AKT3: variants seen among roughly 807,000 people sequenced by gnomAD.
AKT3 encodes the protein RAC-gamma serine/threonine-protein kinase.
A neutral mutation model predicts 65.3 loss-of-function variants in AKT3; 15 were observed. The observed-to-expected ratio is 0.23, with a 90% CI of 0.15 to 0.35. AKT3 has a LOEUF of 0.35. Among genes scored for constraint, AKT3 ranks in the 10% least tolerant of loss-of-function variants. The pLI is 1.00. For missense variants in AKT3, 243 were observed against 576.5 expected, an observed-to-expected ratio of 0.42 and a Z score of 5.92; for synonymous variants, 206 against 183.8, an observed-to-expected ratio of 1.12 and a Z score of -0.98.
At chr1:243,692,643 C>A (rs1378017084) in intron 3 of AKT3, among the ~76,000 whole-genome samples, 1 of 151,886 alleles carries the variant, frequency 6.6e-6, no homozygotes, top group Non-Finnish European at 1.5e-5. Context: ...GAGGCTGAGG[C>A]AGGAGAATCA....
intron 2 of AKT3, among the ~76,000 whole-genome samples, chr1:243,755,235 AT>A (rs71983026): frequency 0.09 from 12,285 of 136,706 alleles, 1,703 homozygotes; most frequent in African/African-American, 0.3. Flanking sequence ...CGCCTGGTTA[AT>A]TTTTTTTTTT....
chr1:243,533,606 T>C (rs529022368), intron 12 of AKT3, among the ~76,000 whole-genome samples: 22 of 152,332 alleles, frequency 1.4e-4, no homozygotes, highest in African/African-American at 3.8e-4. Context: ...GGGAAAAATG[T>C]TGCCTTATAC....
At chr1:243,686,061 C>A (rs1282724955) in intron 3 of AKT3, among the ~76,000 whole-genome samples, 1 of 152,074 alleles carries the variant, frequency 6.6e-6, no homozygotes, top group African/African-American at 2.4e-5. Context: ...ATGTGAAGGA[C>A]CTCTTCACGG....
intron 6 of AKT3, among the ~76,000 whole-genome samples, chr1:243,629,705 T>C (rs1432403909): frequency 1.3e-5 from 2 of 152,104 alleles, no homozygotes; most frequent in African/African-American, 4.8e-5. Context: ...GGCAGGAGAA[T>C]GGCGTGAACC....
chr1:243,681,189 G>T (rs1348203559), intron 3 of AKT3, among the ~76,000 whole-genome samples: 2 of 152,068 alleles, frequency 1.3e-5, no homozygotes, highest in African/African-American at 4.8e-5. Context: ...GTCCTCCAAA[G>T]ATGTTAGTAA....
intron 2 of AKT3, among the ~76,000 whole-genome samples, chr1:243,756,193 G>A (rs1689126782): frequency 6.6e-6 from 1 of 152,178 alleles, no homozygotes; most frequent in Admixed American, 6.5e-5. Context: ...AAGTGAGTAT[G>A]TCATACAATT....
chr1:243,624,082 C>T (rs757647542), intron 6 of AKT3, among the ~76,000 whole-genome samples: 2 of 152,120 alleles, frequency 1.3e-5, no homozygotes, highest in Non-Finnish European at 2.9e-5. Context: ...GTCTTAGGGA[C>T]AGCTGACACA....
chr1:243,849,264 TG>T (rs1381389106), intron 1 of AKT3, among the ~76,000 whole-genome samples: 1 of 152,118 alleles, frequency 6.6e-6, no homozygotes, highest in African/African-American at 2.4e-5. Context: ...ACAGCATCAC[TG>T]GATCAGCCAA....
chr1:243,606,864 G>A (rs1572018720), intron 8 of AKT3, among the ~76,000 whole-genome samples: 1 of 152,238 alleles, frequency 6.6e-6, no homozygotes, highest in Non-Finnish European at 1.5e-5. Context: ...GGGACATGGT[G>A]CCCTGCATCC....
At position 243,842,070 on chromosome 1, in the gene AKT3, C is replaced by T. The variant is rs149309369; in HGVS notation, c.46+1055G>A. 3.9e-5 allele frequency among the ~76,000 whole-genome samples: 6 copies of T among 152,184 alleles called. No homozygotes were observed. In the East Asian group the frequency reaches 1.2e-3, roughly 29 times the overall value. On this transcript the variant is annotated intron_variant, in intron 2 of 13. Coordinates refer to ENST00000673466, the MANE Select transcript of AKT3 (RefSeq NM_005465.7). Reference sequence around the variant, plus strand: ...GGGTTAATGAAAATAACCACTATATCGTTTTCAGAGTGTTTGTTACACTAC... The same window carrying T: ...GGGTTAATGAAAATAACCACTATATTGTTTTCAGAGTGTTTGTTACACTAC...
At chr1:243,547,755 C>T (rs1018174793) in intron 11 of AKT3, among the ~76,000 whole-genome samples, 2 of 152,108 alleles carry the variant, frequency 1.3e-5, no homozygotes, top group African/African-American at 4.8e-5. Context: ...GACCTAGTAT[C>T]CTTTGACACA....
chr1:243,777,248 T>C (rs1247917797), intron 2 of AKT3, among the ~76,000 whole-genome samples: 3 of 152,200 alleles, frequency 2.0e-5, no homozygotes, highest in African/African-American at 4.8e-5. Flanking sequence ...CCTAGATCTG[T>C]CACGTGCACA....
At chr1:243,667,143 T>C (rs931421655) in intron 3 of AKT3, among the ~76,000 whole-genome samples, 7 of 152,226 alleles carry the variant, frequency 4.6e-5, no homozygotes, top group Non-Finnish European at 8.8e-5. Flanking sequence ...ATCGTTACCA[T>C]GAACTACTGT....
rs146593747 is a variant in AKT3, at chr1:243,793,850, C to T, written c.46+49275G>A. 5.3e-4 allele frequency among the ~76,000 whole-genome samples: 81 copies of T among 151,614 alleles called. 1 individual carries two copies. In the East Asian group the frequency reaches 0.012, roughly 22 times the overall value. On this transcript the variant is annotated intron_variant, in intron 2 of 13. Coordinates refer to ENST00000673466, the MANE Select transcript of AKT3 (RefSeq NM_005465.7). The stretch of plus-strand genomic sequence containing the variant: ...AGGGTCTAGGAGCTCGACTGAGTAG[C>T]TCATCTACTTTAACATCCATTAATC...
intron 1 of AKT3, among the ~76,000 whole-genome samples, chr1:243,845,683 C>T (rs1395714368): frequency 6.7e-6 from 1 of 150,060 alleles, no homozygotes; most frequent in African/African-American, 2.4e-5. Context: ...TAAAATCTGT[C>T]TTGGGAGCCT....
At chr1:243,661,710 C>T (rs1395943513) in intron 4 of AKT3, among the ~76,000 whole-genome samples, 97 of 150,332 alleles carry the variant, frequency 6.5e-4, no homozygotes, top group Non-Finnish European at 4.6e-4. Context: ...CAAATGGGAT[C>T]TAATTAAACT....
In AKT3 at chr1:243,704,505, C is replaced by T. The variant is rs116470747; in HGVS notation, c.47-8789G>A. On this transcript the variant is annotated intron_variant, in intron 2 of 13. Coordinates refer to ENST00000673466, the MANE Select transcript of AKT3 (RefSeq NM_005465.7). ...ATTCTTAGTGATCCAGAATGTCATA[C>T]TGGGGATGGCAATAGCCCCTATTCT... Among the ~76,000 whole-genome samples the T allele has an allele frequency of 5.1e-3, 780 of 152,278 alleles. 9 individuals are homozygous for T. Among genetic ancestry groups the T allele is most frequent in the African/African-American group, 0.018 (739 of 41,544 alleles).
At chr1:243,681,497 T>C (rs1021422573) in intron 3 of AKT3, among the ~76,000 whole-genome samples, 2 of 152,072 alleles carry the variant, frequency 1.3e-5, no homozygotes, top group Admixed American at 6.6e-5. Context: ...TAAAACTCTA[T>C]CAAATTTATC....
chr1:243,729,188 A>G (rs1687394812), intron 2 of AKT3, among the ~76,000 whole-genome samples: 1 of 152,148 alleles, frequency 6.6e-6, no homozygotes, highest in Non-Finnish European at 1.5e-5. Flanking sequence ...AAACCATGCA[A>G]TAAAATTTTA....
Sources: allele counts gnomAD v4.1 joint callset (sites outside exome capture counted in the v4.1 genomes callset), GRCh38; gene constraint gnomAD v4.1.1; transcripts MANE v1.5; gene names NCBI Gene and HGNC (gene_info 2026-07-23, HGNC 2026-07-21).